The following UBE4A variants were observed in gnomAD, a reference collection of about 807,000 sequenced individuals.
UBE4A encodes ubiquitin conjugation factor E4 A.
A neutral mutation model predicts 117.9 loss-of-function variants in UBE4A; 48 were observed. That is an observed-to-expected ratio of 0.41 (90% confidence interval 0.32 to 0.52). The LOEUF is 0.52. Ranked by LOEUF, UBE4A falls within the 20% of genes least tolerant of loss-of-function variation. The probability of loss-of-function intolerance (pLI) is 0.33; values close to 1 mark genes in which losing one functional copy is unlikely to be tolerated. For missense variants in UBE4A, 1,067 were observed against 1,296.3 expected, an observed-to-expected ratio of 0.82 and a Z score of 2.72; for synonymous variants, 407 against 450.0, an observed-to-expected ratio of 0.90 and a Z score of 1.21.
At chr11:118,376,449 GAACT>G in intron 9 of UBE4A, 121 bp from the exon 10 acceptor site, 1 of 1,336,188 alleles carries the variant, frequency 7.5e-7, no homozygotes, top group South Asian at 1.6e-5. Context: ...TTCAGACAAA[GAACT>G]AATATGACAA....
chr11:118,380,412 A>G (rs927959390), intron 11 of UBE4A, among the ~76,000 whole-genome samples: 8 of 151,834 alleles, frequency 5.3e-5, no homozygotes, highest in Admixed American at 1.3e-4. Context: ...GAGAGACCCT[A>G]TCTCTACAAA....
chr11:118,379,411 C>G (rs1381700400), intron 10 of UBE4A, 35 bp from the exon 11 acceptor site: 1 of 1,590,792 alleles, frequency 6.3e-7, no homozygotes, highest in African/African-American at 1.3e-5. Flanking sequence ...TTTCTGTTTT[C>G]CCTGACCCAG....
intron 9 of UBE4A, among the ~76,000 whole-genome samples, chr11:118,375,489 A>G (rs1485210701): frequency 3.3e-5 from 5 of 151,932 alleles, no homozygotes; most frequent in Admixed American, 3.3e-4. Context: ...CCTCCCGAGT[A>G]GCTGGGACTA....
chr11:118,361,523 A>G (rs1011567273), intron 1 of UBE4A, among the ~76,000 whole-genome samples: 1 of 152,216 alleles, frequency 6.6e-6, no homozygotes, highest in African/African-American at 2.4e-5. Flanking sequence ...ATTTTTCTAT[A>G]AGTGACTACA....
In UBE4A at chr11:118,369,472, T is replaced by C. The variant is rs757806561; in HGVS notation, c.345T>C (p.Tyr115=). 6.2e-7 allele frequency: 1 copy of C among 1,614,210 alleles called. No individual in the cohort carries two copies. Among genetic ancestry groups the C allele is most frequent in the Non-Finnish European group, 8.5e-7 (1 of 1,180,028 alleles). The change falls in exon 4 of 20, where the codon TAT becomes TAC. Residue 115 remains tyrosine, a synonymous_variant. Coordinates refer to ENST00000252108, the MANE Select transcript of UBE4A (RefSeq NM_001204077.2). ...ATGGCATCCCTAGCCGTTGTGTGTA[T>C]TTGGAAGAAATGGCAGTAGAGCTAG... ...SGNGIPSRCV[Y]LEEMAVELED... is the part of the protein sequence containing the mutation.
At chr11:118,384,507 G>A in intron 13 of UBE4A, 128 bp from the exon 14 acceptor site, 2 of 757,788 alleles carry the variant, frequency 2.6e-6, no homozygotes, top group Non-Finnish European at 4.3e-6. Flanking sequence ...AAACTCCAGG[G>A]CAGATTTTGT....
intron 19 of UBE4A, among the ~76,000 whole-genome samples, chr11:118,395,061 C>T (rs1413244680): frequency 6.6e-6 from 1 of 152,148 alleles, no homozygotes; most frequent in Non-Finnish European, 1.5e-5. Context: ...GGTGCAGTGG[C>T]TTACGCCTGT....
Position 118,386,538 on chromosome 11 carries a change from T to C in UBE4A, c.2513T>C (p.Met838Thr). 2.5e-6 allele frequency: 4 copies of C among 1,605,680 alleles called. No individual in the cohort carries two copies. The highest frequency in any genetic ancestry group is 2.5e-6 in the Non-Finnish European group (3 of 1,177,180). ...CGAGAAAAGGAGGCTGGCCTACAGATGTTTGGACAGCTGGCACGTTTCCAT... is the reference window on the plus strand; with the variant it reads ...CGAGAAAAGGAGGCTGGCCTACAGACGTTTGGACAGCTGGCACGTTTCCAT... ...ARREKEAGLQ[M>T]FGQLARFHNI... Residue 838 changes from methionine (M) to threonine (T), a missense_variant, in exon 16 of 20, where the codon ATG becomes ACG. Transcript: ENST00000252108.
chr11:118,368,693 G>T lies in UBE4A; in HGVS notation c.184G>T (p.Asp62Tyr), dbSNP rs761759681. Reference protein sequence around the residue: ...NSVSESLDEFDYSVAEISRSF... With the variant: ...NSVSESLDEFYYSVAEISRSF... ...CGTGTCAGAGAGCCTGGATGAATTC[G>T]ATTACTCTGTGGCTGAGATTAGCCG... Residue 62 changes from aspartate (D) to tyrosine (Y), a missense_variant, in exon 3 of 20, where the codon GAT becomes TAT. Asp to Tyr is a radical substitution (Grantham distance 160). Coordinates refer to ENST00000252108, the MANE Select transcript of UBE4A (RefSeq NM_001204077.2). 4 of 1,614,162 alleles carry T rather than the reference G, an allele frequency of 2.5e-6. No individual in the cohort carries two copies. Among genetic ancestry groups the T allele is most frequent in the South Asian group, 2.2e-5 (2 of 91,086 alleles).
chr11:118,396,428 G>A lies in UBE4A; in HGVS notation c.3189G>A (p.Glu1063=), dbSNP rs781804295. 12 of 1,613,480 alleles carry A rather than the reference G, an allele frequency of 7.4e-6. No individual in the cohort carries two copies. In the Admixed American group the frequency reaches 1.7e-4, roughly 22 times the overall value. Residue 1063 remains glutamate, a synonymous_variant, in exon 20 of 20, where the codon GAG becomes GAA. Coordinates refer to ENST00000252108, the MANE Select transcript of UBE4A (RefSeq NM_001204077.2). ...RWLAERKQQK[E]QLE Reference sequence around the variant, plus strand: ...TTGCAGAGAGGAAACAACAAAAGGAGCAACTTGAATAGATACTGTGAACTA... The same window carrying A: ...TTGCAGAGAGGAAACAACAAAAGGAACAACTTGAATAGATACTGTGAACTA...
At chr11:118,364,385 G>A (rs1948546477) in intron 1 of UBE4A, among the ~76,000 whole-genome samples, 1 of 152,074 alleles carries the variant, frequency 6.6e-6, no homozygotes, top group Non-Finnish European at 1.5e-5. Flanking sequence ...ATAGCATGAA[G>A]CAAAGACCAT....
At chr11:118,374,443 ACT>A (rs1257298776) in intron 8 of UBE4A, among the ~76,000 whole-genome samples, 3 of 152,094 alleles carry the variant, frequency 2.0e-5, no homozygotes, top group Non-Finnish European at 4.4e-5. Context: ...AATCATTACA[ACT>A]CTCTAAGGCA....
At chr11:118,367,496 G>A (rs1948573928) in intron 2 of UBE4A, among the ~76,000 whole-genome samples, 1 of 151,098 alleles carries the variant, frequency 6.6e-6, no homozygotes, top group Admixed American at 6.6e-5. Context: ...CTCTTTGAGG[G>A]TAACTTGGTA....
At chr11:118,363,940 A>G (rs1186000957) in intron 1 of UBE4A, among the ~76,000 whole-genome samples, 1 of 152,028 alleles carries the variant, frequency 6.6e-6, no homozygotes, top group Non-Finnish European at 1.5e-5. Flanking sequence ...TGTTGATATG[A>G]TCCTGTGAGG....
intron 1 of UBE4A, among the ~76,000 whole-genome samples, chr11:118,360,530 A>C (rs1948511951): frequency 6.6e-6 from 1 of 152,202 alleles, no homozygotes; most frequent in Non-Finnish European, 1.5e-5. Context: ...TTGATATTTT[A>C]ATTTCTATTT....
intron 10 of UBE4A, among the ~76,000 whole-genome samples, chr11:118,378,136 A>G (rs144081748): frequency 2.2e-3 from 329 of 151,534 alleles, no homozygotes; most frequent in African/African-American, 7.8e-3. Context: ...AGTCCCAGCT[A>G]CTCGGGAGGT....
intron 1 of UBE4A, among the ~76,000 whole-genome samples, chr11:118,360,693 A>G (rs946269266): frequency 1.3e-5 from 2 of 152,234 alleles, no homozygotes; most frequent in Non-Finnish European, 2.9e-5. Context: ...TTGTGTGTTC[A>G]TGAGAGCTGA....
At position 118,379,464 on chromosome 11, in the gene UBE4A, A is replaced by AAAAATCAACC; in HGVS notation, c.1597_1606dup (p.Leu536GlnfsTer19). 1 of 1,613,244 alleles carries AAAAATCAACC rather than the reference A, an allele frequency of 6.2e-7. No individual in the cohort carries two copies. Among genetic ancestry groups the AAAAATCAACC allele is most frequent in the Non-Finnish European group, 8.5e-7 (1 of 1,179,390 alleles). ...GGGGCAGGTTGCATGATCAGATGGT[A>AAAAATCAACC]AAAATCAACCAAAATCTGCATCGGC... On this transcript the variant is annotated frameshift_variant, in exon 11 of 20. Transcript: ENST00000252108. LOFTEE classifies it high-confidence loss of function.
intron 18 of UBE4A, among the ~76,000 whole-genome samples, chr11:118,391,850 AT>A (rs1158668593): frequency 6.6e-6 from 1 of 151,952 alleles, no homozygotes; most frequent in Non-Finnish European, 1.5e-5. Context: ...GAATGTGCAC[AT>A]TTATGTAAGA....
Sources: gnomAD v4.1 joint callset for allele counts (sites outside exome capture counted in the v4.1 genomes callset) on GRCh38, gnomAD v4.1.1 for gene constraint, MANE v1.5 for transcripts, NCBI Gene and HGNC (gene_info 2026-07-23, HGNC 2026-07-21) for gene names.